The following NSD1 variants were observed in gnomAD, a reference collection of about 807,000 sequenced individuals.
NSD1 encodes the protein nuclear receptor binding SET domain protein 1.
A neutral mutation model predicts 242.7 loss-of-function variants in NSD1; 26 were observed. That is an observed-to-expected ratio of 0.11 (90% CI 0.08 to 0.15). The LOEUF (loss-of-function observed/expected upper bound fraction) is 0.15. Ranked by LOEUF, NSD1 falls within the 10% of genes least tolerant of loss-of-function variation. NSD1 has a pLI of 1.00. For missense variants in NSD1, 2,495 were observed against 3,272.8 expected (o/e 0.76, Z 5.80); for synonymous variants, 1,106 against 1,178.1 (o/e 0.94, Z 1.25).
intron 5 of NSD1, among the ~76,000 whole-genome samples, chr5:177,228,957 C>T (rs1764844273): frequency 6.6e-6 from 1 of 152,080 alleles, no homozygotes; most frequent in Non-Finnish European, 1.5e-5. Context: ...ACCACTAGTC[C>T]TAGAGAACCA....
chr5:177,218,713 G>GC (rs1011097642), intron 5 of NSD1, among the ~76,000 whole-genome samples: 80 of 151,598 alleles, frequency 5.3e-4, no homozygotes, highest in Non-Finnish European at 9.3e-4. Flanking sequence ...GACTACAGGC[G>GC]CCCCCCACCA....
At chr5:177,183,014 C>A (rs1375169361) in intron 2 of NSD1, among the ~76,000 whole-genome samples, 2 of 152,104 alleles carry the variant, frequency 1.3e-5, no homozygotes, top group African/African-American at 4.8e-5. Context: ...TAGGCCCGAG[C>A]AGTCTTCCTG....
chr5:177,216,674 T>TG (rs1320270400), intron 5 of NSD1, among the ~76,000 whole-genome samples: 2 of 151,208 alleles, frequency 1.3e-5, no homozygotes, highest in South Asian at 2.1e-4. Flanking sequence ...ATCTCTGTTT[T>TG]TTTTTTTTTT....
At chr5:177,163,267 C>T (rs1055892302) in intron 2 of NSD1, among the ~76,000 whole-genome samples, 2 of 151,808 alleles carry the variant, frequency 1.3e-5, no homozygotes, top group Admixed American at 6.6e-5. Context: ...CTCAGCCTCC[C>T]GAGTAGCTGG....
intron 12 of NSD1, 130 bp from the exon 13 acceptor site, chr5:177,256,821 G>A: frequency 1.4e-6 from 1 of 737,644 alleles, no homozygotes; most frequent in Non-Finnish European, 2.4e-6. Context: ...TACTAAGATT[G>A]TTACAGTGGG....
chr5:177,285,523 C>T (rs550492504), intron 20 of NSD1, among the ~76,000 whole-genome samples: 79 of 128,816 alleles, frequency 6.1e-4, no homozygotes, highest in African/African-American at 2.2e-3. Flanking sequence ...GAGATCGTGC[C>T]ACTGCACTCT....
At chr5:177,183,775 C>G (rs1393909389) in intron 2 of NSD1, among the ~76,000 whole-genome samples, 1 of 152,108 alleles carries the variant, frequency 6.6e-6, no homozygotes, top group African/African-American at 2.4e-5. Flanking sequence ...ACCGTCCTCA[C>G]TTCCATCTTT....
rs776517491 is a variant in NSD1 at position 177,211,632 on chromosome 5, T to C, written c.3233T>C (p.Leu1078Ser). The change falls in exon 5 of 23, where the codon TTG becomes TCG. Residue 1078 changes from leucine (L) to serine (S), a missense_variant. Physicochemically the swap from Leu to Ser is moderately radical, Grantham distance 145 (BLOSUM62 -2). Around this residue, in one of 19 missense-constraint regions of NSD1, gnomAD observed 426 missense variants for 411.4 expected, o/e 1.04. Coordinates refer to ENST00000439151, the MANE Select transcript of NSD1 (RefSeq NM_022455.5). ...LQGDRERGGSLRGGAEDPSKE... is the reference protein window; with the variant it reads ...LQGDRERGGSSRGGAEDPSKE... ...GGAGACCGAGAACGTGGAGGTTCATTGAGAGGTGGGGCAGAAGATCCTAGT... is the reference window on the plus strand; with the variant it reads ...GGAGACCGAGAACGTGGAGGTTCATCGAGAGGTGGGGCAGAAGATCCTAGT... The C allele has an allele frequency of 1.2e-6, 2 of 1,614,056 alleles. No homozygotes were observed. Among genetic ancestry groups the C allele is most frequent in the South Asian group, 2.2e-5 (2 of 91,068 alleles).
intron 5 of NSD1, among the ~76,000 whole-genome samples, chr5:177,213,053 G>A (rs1763485933): frequency 6.6e-6 from 1 of 152,126 alleles, no homozygotes; most frequent in Non-Finnish European, 1.5e-5. Context: ...AAGGTCTTAG[G>A]TGTCTTAAAT....
At position 177,299,578 on chromosome 5, in the gene NSD1, TA is replaced by T; in HGVS notation, c.*4121del. The T allele has an allele frequency of 4.3e-6, 1 of 233,266 alleles. No homozygotes were observed. Among genetic ancestry groups the T allele is most frequent in the Non-Finnish European group, 8.5e-6 (1 of 118,042 alleles). The allele number at this position is 233,266 out of a possible 1,614,324, so 14.4% of individuals were successfully genotyped here. On this transcript the variant is annotated 3_prime_UTR_variant, in exon 23 of 23. Transcript: ENST00000439151. ...AAGCCCCTCTACTGCTTATGAAGATTAAGGGTAGTATTTTCTAAGGAAGTGG... is the reference window on the plus strand; with the variant it reads ...AAGCCCCTCTACTGCTTATGAAGATTAGGGTAGTATTTTCTAAGGAAGTGG...
chr5:177,178,928 T>G (rs143872688), intron 2 of NSD1, among the ~76,000 whole-genome samples: 1 of 152,258 alleles, frequency 6.6e-6, no homozygotes, highest in East Asian at 1.9e-4. Context: ...AAAAGAGGTA[T>G]GCACAAGGGG....
intron 3 of NSD1, 93 bp downstream of exon 3, chr5:177,192,112 G>T: frequency 8.4e-7 from 1 of 1,189,844 alleles, no homozygotes; most frequent in Non-Finnish European, 1.2e-6. Context: ...TTTTTCCTTG[G>T]AACATTTTGT....
Position 177,135,980 on chromosome 5 carries a change from C to G in NSD1, c.877C>G (p.Leu293Val), listed in dbSNP as rs1416950334. 1 of 1,614,058 alleles carries G rather than the reference C, an allele frequency of 6.2e-7. No individual in the cohort carries two copies. The highest frequency in any genetic ancestry group is 8.5e-7 in the Non-Finnish European group (1 of 1,179,988). ...DSSTSTLGNM[L>V]ELPGTSSSST... ...CAGTACCAGTACATTAGGAAACATG[C>G]TAGAATTACCTGGAACTTCATCATC... Residue 293 changes from leucine to valine, a missense_variant, in exon 2 of 23, where the codon CTA becomes GTA. By Grantham distance (32) the Leu-to-Val change is conservative. Coordinates refer to ENST00000439151, the MANE Select transcript of NSD1 (RefSeq NM_022455.5).
At chr5:177,263,245 A>G (rs1324004737) in intron 14 of NSD1, among the ~76,000 whole-genome samples, 1 of 152,252 alleles carries the variant, frequency 6.6e-6, no homozygotes, top group Non-Finnish European at 1.5e-5. Flanking sequence ...TCACATCACT[A>G]AGGAGATTTG....
At chr5:177,138,354 C>T (rs1756523067) in intron 2 of NSD1, among the ~76,000 whole-genome samples, 1 of 152,026 alleles carries the variant, frequency 6.6e-6, no homozygotes, top group Non-Finnish European at 1.5e-5. Context: ...CTCCTGGGTT[C>T]AAGCGATTCT....
intron 6 of NSD1, among the ~76,000 whole-genome samples, chr5:177,237,503 A>G (rs1420957037): frequency 6.9e-6 from 1 of 145,576 alleles, no homozygotes; most frequent in African/African-American, 2.5e-5. Context: ...AAAAATATAT[A>G]TATATAATGT....
intron 13 of NSD1, among the ~76,000 whole-genome samples, chr5:177,257,358 G>A (rs1281613713): frequency 6.6e-6 from 1 of 151,374 alleles, no homozygotes; most frequent in African/African-American, 2.4e-5. Flanking sequence ...AGCCTCCTGA[G>A]TAGCTGGGAC....
intron 14 of NSD1, among the ~76,000 whole-genome samples, chr5:177,263,432 T>C (rs185943681): frequency 1.6e-3 from 249 of 152,324 alleles, no homozygotes; most frequent in Non-Finnish European, 3.0e-3. Flanking sequence ...GCTGCCACCT[T>C]AGTATAAACC....
intron 2 of NSD1, among the ~76,000 whole-genome samples, chr5:177,145,940 T>C (rs1488407991): frequency 1.3e-5 from 2 of 148,682 alleles, no homozygotes; most frequent in Non-Finnish European, 3.0e-5. Flanking sequence ...GGAAATTCCA[T>C]GGGCTAGGCA....
Sources: allele counts gnomAD v4.1 joint callset (sites outside exome capture counted in the v4.1 genomes callset), GRCh38; gene constraint gnomAD v4.1.1; regional missense constraint gnomAD v4.1.1; transcripts MANE v1.5; gene names NCBI Gene and HGNC (gene_info 2026-07-23, HGNC 2026-07-21).